Variants in PDZRN4 observed in about 807,000 individuals in gnomAD.
The protein encoded by PDZRN4 is PDZ domain-containing RING finger protein 4.
In PDZRN4, 70 loss-of-function variants were observed where a neutral mutation model predicts 99.0. The observed-to-expected ratio is 0.71, with a 90% CI of 0.58 to 0.86. The LOEUF (loss-of-function observed/expected upper bound fraction) is 0.86. Among genes scored for constraint, PDZRN4 ranks in the 40% least tolerant of loss-of-function variants. The pLI, the probability that PDZRN4 is intolerant of heterozygous loss-of-function variation, is 0.00. For synonymous variants in PDZRN4, 551 were observed against 501.6 expected (o/e 1.10, Z -1.32); for missense variants, 1,474 against 1,331.2 (o/e 1.11, Z -1.67).
At chr12:41,357,693 A>G (rs544533952) in intron 3 of PDZRN4, among the ~76,000 whole-genome samples, 1 of 152,110 alleles carries the variant, frequency 6.6e-6, no homozygotes, top group South Asian at 2.1e-4. Flanking sequence ...TAATGCATGC[A>G]ACTTTTTGAA....
At chr12:41,249,695 T>G (rs565456103) in intron 3 of PDZRN4, among the ~76,000 whole-genome samples, 9 of 152,332 alleles carry the variant, frequency 5.9e-5, no homozygotes, top group African/African-American at 2.2e-4. Flanking sequence ...GCTTTGCTGA[T>G]GACTTACTGG....
In PDZRN4 at chr12:41,188,441, T is replaced by C. The variant is rs776209260; in HGVS notation, c.-15T>C. On this transcript the variant is annotated 5_prime_UTR_variant, in exon 1 of 10. Transcript: ENST00000402685. ...GGACTCTGCTTTCGCTCCCCCTTTCTTCCCCATCCCTAACATGGGCTTTGC... is the reference window on the plus strand; with the variant it reads ...GGACTCTGCTTTCGCTCCCCCTTTCCTCCCCATCCCTAACATGGGCTTTGC... The C allele has an allele frequency of 2.3e-5, 36 of 1,561,196 alleles. No individual in the cohort carries two copies. Among genetic ancestry groups the C allele is most frequent in the Non-Finnish European group, 2.8e-5 (32 of 1,160,048 alleles).
intron 3 of PDZRN4, among the ~76,000 whole-genome samples, chr12:41,447,393 C>G (rs1032144946): frequency 3.3e-5 from 5 of 152,074 alleles, no homozygotes; most frequent in Non-Finnish European, 7.4e-5. Context: ...TGATTGCACA[C>G]TAAATATCAA....
At chr12:41,241,878 T>C (rs997539026) in intron 3 of PDZRN4, among the ~76,000 whole-genome samples, 1 of 152,218 alleles carries the variant, frequency 6.6e-6, no homozygotes, top group African/African-American at 2.4e-5. Flanking sequence ...TAGAACTAAG[T>C]CTGTCAGAAC....
At chr12:41,550,647 T>C (rs1380013228) in intron 5 of PDZRN4, among the ~76,000 whole-genome samples, 1 of 152,174 alleles carries the variant, frequency 6.6e-6, no homozygotes, top group Non-Finnish European at 1.5e-5. Flanking sequence ...TCTTAAGCAC[T>C]ATAATATAGA....
chr12:41,399,906 G>A (rs535929685), intron 3 of PDZRN4, among the ~76,000 whole-genome samples: 55 of 152,070 alleles, frequency 3.6e-4, no homozygotes, highest in African/African-American at 1.3e-3. Flanking sequence ...CTCTTGGCCT[G>A]ATAAAGGAGG....
In PDZRN4 at chr12:41,433,625, C is replaced by G. The variant is rs561778574; in HGVS notation, c.844-72831C>G. ...AAGAGAGGGTAATCAAGCGGAGTTA[C>G]GTACGGAACTTCCACACTGGCACAG... On this transcript the variant is annotated intron_variant, in intron 3 of 9. Transcript: ENST00000402685. Among the ~76,000 whole-genome samples the G allele has an allele frequency of 7.2e-5, 11 of 152,278 alleles. No homozygotes were observed. The East Asian group carries it at 2.1e-3, about 29-fold the overall frequency.
intron 3 of PDZRN4, among the ~76,000 whole-genome samples, chr12:41,457,351 A>G (rs946331813): frequency 2.0e-5 from 3 of 152,340 alleles, no homozygotes; most frequent in Non-Finnish European, 4.4e-5. Context: ...GCATTTTGCT[A>G]TCAGGTGCTT....
chr12:41,383,901 A>G (rs1042976079), intron 3 of PDZRN4, among the ~76,000 whole-genome samples: 4 of 151,456 alleles, frequency 2.6e-5, no homozygotes, highest in Admixed American at 6.6e-5. Context: ...GGCTCCTGTA[A>G]TAATCAGTTC....
At chr12:41,315,591 A>G (rs1404268640) in intron 3 of PDZRN4, among the ~76,000 whole-genome samples, 1 of 152,148 alleles carries the variant, frequency 6.6e-6, no homozygotes. Flanking sequence ...TTTCTTTAAT[A>G]AATTATAAAT....
intron 3 of PDZRN4, among the ~76,000 whole-genome samples, chr12:41,420,495 C>G (rs1022412741): frequency 2.6e-5 from 4 of 152,140 alleles, no homozygotes; most frequent in African/African-American, 9.7e-5. Flanking sequence ...CTCGGCACAG[C>G]CCCCTCTGCC....
At chr12:41,211,767 G>T (rs1309093502) in intron 3 of PDZRN4, among the ~76,000 whole-genome samples, 1 of 151,912 alleles carries the variant, frequency 6.6e-6, no homozygotes. Context: ...CAAAATAAAA[G>T]CCACTTATAC....
In PDZRN4 at chr12:41,294,660, A is replaced by G. The variant is rs192705720; in HGVS notation, c.843+100472A>G. Among the ~76,000 whole-genome samples, 381 of 152,288 alleles carry G rather than the reference A, an allele frequency of 2.5e-3. 12 individuals are homozygous for G. Among genetic ancestry groups the G allele is most frequent in the Admixed American group, 0.024 (373 of 15,278 alleles). On this transcript the variant is annotated intron_variant, in intron 3 of 9. Transcript: ENST00000402685. ...ATTACCTTAAATATTACCTCTTTAT[A>G]CCTGAGCTCAACGAATCACATTTCA...
chr12:41,221,122 G>T (rs932682083), intron 3 of PDZRN4, among the ~76,000 whole-genome samples: 1 of 152,196 alleles, frequency 6.6e-6, no homozygotes, highest in Non-Finnish European at 1.5e-5. Flanking sequence ...AAAGGACACT[G>T]GAAGGAGGCC....
intron 3 of PDZRN4, among the ~76,000 whole-genome samples, chr12:41,451,174 TAA>T (rs34555314): frequency 1.4e-4 from 21 of 149,230 alleles, no homozygotes; most frequent in African/African-American, 2.7e-4. Context: ...AATTTAGATT[TAA>T]AAAAAAAAAA....
At chr12:41,200,610 G>T (rs1311010746) in intron 3 of PDZRN4, among the ~76,000 whole-genome samples, 3 of 152,060 alleles carry the variant, frequency 2.0e-5, no homozygotes, top group Non-Finnish European at 4.4e-5. Flanking sequence ...TCTCAGTGTG[G>T]TTCCCATTCT....
rs1425981701 is a variant in PDZRN4, at chr12:41,393,314, T to C, written c.844-113142T>C. Among the ~76,000 whole-genome samples, 6 of 152,218 alleles carry C rather than the reference T, an allele frequency of 3.9e-5. No individual in the cohort carries two copies. In the East Asian group the frequency reaches 1.2e-3, roughly 29 times the overall value. ...TATTTGCTGGGTAAATGCACGAACA[T>C]ATTAGATTTATTTAAAAGGTTTGCA... On this transcript the variant is annotated intron_variant, in intron 3 of 9. Coordinates refer to ENST00000402685, the MANE Select transcript of PDZRN4 (RefSeq NM_001164595.2).
intron 3 of PDZRN4, among the ~76,000 whole-genome samples, chr12:41,230,161 AC>A (rs1471131641): frequency 2.0e-5 from 3 of 151,892 alleles, no homozygotes; most frequent in Non-Finnish European, 2.9e-5. Flanking sequence ...AAAGTAAGCC[AC>A]CCCCTCTCCA....
At chr12:41,400,227 A>C (rs1322930794) in intron 3 of PDZRN4, among the ~76,000 whole-genome samples, 5 of 152,314 alleles carry the variant, frequency 3.3e-5, no homozygotes, top group African/African-American at 1.2e-4. Flanking sequence ...GAAATCTGAC[A>C]GAAACCACGG....
Sources: allele counts gnomAD v4.1 joint callset (sites outside exome capture counted in the v4.1 genomes callset), GRCh38; gene constraint gnomAD v4.1.1; transcripts MANE v1.5; gene names NCBI Gene and HGNC (gene_info 2026-07-23, HGNC 2026-07-21).